DCLK1: variants seen among roughly 807,000 people sequenced by gnomAD.
The protein encoded by DCLK1 is doublecortin like kinase 1.
A neutral mutation model predicts 86.2 loss-of-function variants in DCLK1; 16 were observed. The ratio of observed to expected loss-of-function variants is 0.19; its 90% CI spans 0.13 to 0.28. The LOEUF is 0.28. Among genes scored for constraint, DCLK1 ranks in the 10% least tolerant of loss-of-function variants. The pLI, the probability that DCLK1 is intolerant of heterozygous loss-of-function variation, is 1.00. For missense variants in DCLK1, 590 were observed against 940.2 expected, an observed-to-expected ratio of 0.63 and a Z score of 4.87; for synonymous variants, 369 against 370.5, an observed-to-expected ratio of 1.00 and a Z score of 0.05.
intron 3 of DCLK1, among the ~76,000 whole-genome samples, chr13:36,013,458 C>A (rs923255550): frequency 6.0e-4 from 92 of 152,142 alleles, no homozygotes; most frequent in Non-Finnish European, 2.6e-4. Flanking sequence ...ACAGGACCCT[C>A]AGCTGCAGGT....
intron 4 of DCLK1, among the ~76,000 whole-genome samples, chr13:35,936,315 T>C (rs1264186597): frequency 6.6e-6 from 1 of 152,214 alleles, no homozygotes; most frequent in Non-Finnish European, 1.5e-5. Flanking sequence ...TGCAATAGGA[T>C]TGAAAATGAA....
chr13:35,960,555 C>T (rs1936007), intron 3 of DCLK1, among the ~76,000 whole-genome samples: 116,705 of 152,140 alleles, frequency 0.77, 45,048 homozygotes, highest in East Asian at 0.96. Context: ...ACCTCCTGGG[C>T]TCAAGTGATC....
Position 36,112,164 on chromosome 13 carries a change from G to C in DCLK1, c.428C>G (p.Thr143Ser). 1 of 1,607,570 alleles carries C rather than the reference G, an allele frequency of 6.2e-7. No individual in the cohort carries two copies. ...CGACCAGTTGGGGTTCACATTCTTG[G>C]TGTACTCCAGTTTCTTGAAGGGCTC... ...SIEPFKKLEY[T>S]KNVNPNWSVN... The change falls in exon 3 of 17, where the codon ACC (threonine) becomes AGC (serine). Residue 143 changes from threonine (T) to serine (S), a missense_variant. Thr to Ser is a moderately conservative substitution (Grantham distance 58). This residue lies in a region of DCLK1 where 195 missense variants were observed against 365.1 expected (regional missense o/e 0.53). Coordinates refer to ENST00000360631, the MANE Select transcript of DCLK1 (RefSeq NM_001330071.2).
intron 4 of DCLK1, among the ~76,000 whole-genome samples, chr13:35,886,977 T>G (rs1475792717): frequency 6.6e-6 from 1 of 152,226 alleles, no homozygotes; most frequent in Non-Finnish European, 1.5e-5. Flanking sequence ...TCAGTCATTC[T>G]CTACTCTGCT....
At chr13:35,947,733 T>G (rs1394416686) in intron 3 of DCLK1, among the ~76,000 whole-genome samples, 1 of 152,232 alleles carries the variant, frequency 6.6e-6, no homozygotes, top group African/African-American at 2.4e-5. Flanking sequence ...GTAAGAGCCC[T>G]TTGTTTCCAT....
chr13:35,769,461 A>C lies in DCLK1; in HGVS notation c.*5074T>G, dbSNP rs1467327292. On this transcript the variant is annotated 3_prime_UTR_variant, in exon 17 of 17. Coordinates refer to ENST00000360631, the MANE Select transcript of DCLK1 (RefSeq NM_001330071.2). ...AAGGCTAGTATTAATTTCCTAATAA[A>C]ATTTTTTTTCAAAAGTTATCGAGGA... 6.6e-6 allele frequency: 1 copy of C among 152,186 alleles called. No individual in the cohort carries two copies. Among genetic ancestry groups the C allele is most frequent in the Non-Finnish European group, 1.5e-5 (1 of 68,030 alleles). 9.4% of individuals were successfully genotyped at this position (152,186 alleles called of 1,614,324 possible). A position where few individuals can be genotyped will look rare whatever the true frequency, so the allele number is the denominator to read the frequency against.
chr13:36,076,242 T>C (rs1254910296), intron 3 of DCLK1, among the ~76,000 whole-genome samples: 1 of 152,224 alleles, frequency 6.6e-6, no homozygotes, highest in Non-Finnish European at 1.5e-5. Flanking sequence ...ATTCAGCATG[T>C]TAATAATGTA....
At chr13:36,109,575 A>G (rs1885536657) in intron 3 of DCLK1, among the ~76,000 whole-genome samples, 1 of 152,242 alleles carries the variant, frequency 6.6e-6, no homozygotes, top group African/African-American at 2.4e-5. Context: ...ACTTTGAACA[A>G]TGCTCAATAA....
intron 5 of DCLK1, among the ~76,000 whole-genome samples, chr13:35,866,633 T>A (rs937628988): frequency 1.5e-4 from 23 of 150,660 alleles, no homozygotes; most frequent in African/African-American, 5.1e-4. Context: ...TTTTTTTTTT[T>A]AGAGACCAGG....
rs188642136 is a variant in DCLK1, at chr13:35,824,068, G to C, written c.1408-1193C>G. ...TTGAGGAGGTGGGACAGTCACCGTG[G>C]TCTATGTGAACAGCACCCCTGGAGT... On this transcript the variant is annotated intron_variant, in intron 10 of 16. Coordinates refer to ENST00000360631, the MANE Select transcript of DCLK1 (RefSeq NM_001330071.2). 3.6e-3 allele frequency among the ~76,000 whole-genome samples: 550 copies of C among 152,320 alleles called. 3 individuals carry two copies. Among genetic ancestry groups the C allele is most frequent in the African/African-American group, 0.012 (513 of 41,560 alleles).
At chr13:35,838,312 G>A (rs1035807502) in intron 7 of DCLK1, among the ~76,000 whole-genome samples, 4 of 150,958 alleles carry the variant, frequency 2.6e-5, no homozygotes, top group East Asian at 1.9e-4. Flanking sequence ...TACTTTTTTC[G>A]GAAAAAAAAT....
intron 1 of DCLK1, among the ~76,000 whole-genome samples, chr13:36,128,244 T>C (rs1199887460): frequency 6.6e-6 from 1 of 152,198 alleles, no homozygotes; most frequent in African/African-American, 2.4e-5. Flanking sequence ...ACCAGTTGTA[T>C]AATATGCTAA....
intron 5 of DCLK1, chr13:35,855,798 C>A: frequency 1.6e-6 from 2 of 1,262,072 alleles, no homozygotes; most frequent in Non-Finnish European, 2.0e-6. Flanking sequence ...AACCCCCATC[C>A]CGACACCACT....
At chr13:36,126,763 T>C (rs774250823) in intron 1 of DCLK1, among the ~76,000 whole-genome samples, 15 of 152,198 alleles carry the variant, frequency 9.9e-5, no homozygotes, top group Non-Finnish European at 2.1e-4. Flanking sequence ...AGCCACAAAT[T>C]TGTTAGAAGC....
At chr13:35,976,797 G>T (rs1334331259) in intron 3 of DCLK1, among the ~76,000 whole-genome samples, 1 of 151,762 alleles carries the variant, frequency 6.6e-6, no homozygotes, top group African/African-American at 2.4e-5. Flanking sequence ...GCCTCCCAAA[G>T]TGCTGGGATT....
chr13:35,779,071 A>G (rs1449292928), intron 16 of DCLK1, among the ~76,000 whole-genome samples: 1 of 151,994 alleles, frequency 6.6e-6, no homozygotes, highest in African/African-American at 2.4e-5. Flanking sequence ...GCTGGAGTGC[A>G]GTGGCACAAT....
chr13:36,122,078 G>C (rs1886011855), intron 2 of DCLK1, among the ~76,000 whole-genome samples: 1 of 152,136 alleles, frequency 6.6e-6, no homozygotes, highest in East Asian at 1.9e-4. Flanking sequence ...TTATAGCAAG[G>C]AGAGGCATAG....
intron 8 of DCLK1, among the ~76,000 whole-genome samples, chr13:35,833,003 T>C (rs1218576928): frequency 6.6e-6 from 1 of 152,184 alleles, no homozygotes; most frequent in East Asian, 1.9e-4. Flanking sequence ...ATTTTGAAGA[T>C]TTTCTAGGTG....
intron 16 of DCLK1, chr13:35,788,110 T>C (rs1012749522): frequency 1.8e-6 from 2 of 1,099,626 alleles, no homozygotes; most frequent in African/African-American, 3.1e-5. Flanking sequence ...ATGGACTGGA[T>C]AACAAATCAA....
Sources: allele counts gnomAD v4.1 joint callset (sites outside exome capture counted in the v4.1 genomes callset), GRCh38; gene constraint gnomAD v4.1.1; regional missense constraint gnomAD v4.1.1; transcripts MANE v1.5; gene names NCBI Gene and HGNC (gene_info 2026-07-23, HGNC 2026-07-21).